The following NTM variants were observed in gnomAD, a reference collection of about 807,000 sequenced individuals.
NTM encodes the protein IgLON family member 2.
NTM carries 13 observed loss-of-function variants against 42.1 expected under a neutral mutation model. The ratio of observed to expected loss-of-function variants is 0.31; its 90% CI spans 0.20 to 0.49. NTM has a LOEUF of 0.49. Ranked by LOEUF, NTM falls within the 20% of genes least tolerant of loss-of-function variation. The pLI is 0.99. For missense variants in NTM, 373 were observed against 452.8 expected (o/e 0.82, Z 1.60); for synonymous variants, 187 against 179.2 (o/e 1.04, Z -0.35).
At chr11:131,981,230 G>A (rs1054690691) in intron 2 of NTM, 1 of 152,200 alleles carries the variant, frequency 6.6e-6, no homozygotes, top group Non-Finnish European at 1.5e-5. Context: ...ATTGCATGAG[G>A]CTACCAGATG....
chr11:132,219,970 C>T (rs2084803780), intron 4 of NTM, among the ~76,000 whole-genome samples: 1 of 152,226 alleles, frequency 6.6e-6, no homozygotes, highest in Non-Finnish European at 1.5e-5. Context: ...CCACTATCAT[C>T]TCCACCATTT....
intron 2 of NTM, among the ~76,000 whole-genome samples, chr11:132,075,918 T>A (rs2058303315): frequency 6.6e-6 from 1 of 152,300 alleles, no homozygotes; most frequent in African/African-American, 2.4e-5. Flanking sequence ...AGGTAACCTT[T>A]TTATTGGTGG....
chr11:132,308,743 C>T (rs919366465), intron 5 of NTM, among the ~76,000 whole-genome samples: 3 of 151,886 alleles, frequency 2.0e-5, no homozygotes, highest in Admixed American at 6.6e-5. Context: ...CAATATGAAG[C>T]GGTTTAAGAA....
chr11:131,442,136 C>T (rs1341361238), intron 1 of NTM, among the ~76,000 whole-genome samples: 2 of 152,198 alleles, frequency 1.3e-5, no homozygotes, highest in Non-Finnish European at 2.9e-5. Context: ...AGGACTGAGC[C>T]TTAACTGAGC....
chr11:132,087,335 C>A (rs1007490922), intron 2 of NTM, among the ~76,000 whole-genome samples: 5 of 152,162 alleles, frequency 3.3e-5, no homozygotes, highest in Non-Finnish European at 7.3e-5. Context: ...ACTAGCATGA[C>A]CTTTATCCAT....
chr11:132,271,474 T>A (rs1565352622), intron 4 of NTM, among the ~76,000 whole-genome samples: 1 of 152,218 alleles, frequency 6.6e-6, no homozygotes, highest in Non-Finnish European at 1.5e-5. Context: ...ACTGCCAGAC[T>A]ATTTTGCAAA....
At chr11:131,917,650 G>C (rs1592844690) in intron 2 of NTM, among the ~76,000 whole-genome samples, 1 of 152,186 alleles carries the variant, frequency 6.6e-6, no homozygotes, top group South Asian at 2.1e-4. Context: ...AGTGGTTGTG[G>C]TGGTATAACT....
chr11:132,226,155 A>C (rs766065566), intron 4 of NTM, among the ~76,000 whole-genome samples: 1 of 152,238 alleles, frequency 6.6e-6, no homozygotes, highest in African/African-American at 2.4e-5. Flanking sequence ...TATTGTGAAC[A>C]GTTCCGTAAT....
intron 4 of NTM, among the ~76,000 whole-genome samples, chr11:132,245,232 G>C (rs1404546636): frequency 6.6e-6 from 1 of 152,118 alleles, no homozygotes; most frequent in Non-Finnish European, 1.5e-5. Context: ...CCGCCTCCTG[G>C]AGCTTTGGTG....
chr11:131,782,679 A>C (rs546878616), intron 1 of NTM, among the ~76,000 whole-genome samples: 2 of 152,274 alleles, frequency 1.3e-5, no homozygotes, highest in African/African-American at 4.8e-5. Flanking sequence ...TAGGAATTCA[A>C]GGTTGGTTTA....
chr11:131,514,430 C>T (rs2048635175), intron 1 of NTM, among the ~76,000 whole-genome samples: 1 of 152,032 alleles, frequency 6.6e-6, no homozygotes. Flanking sequence ...AGTCACCTCT[C>T]AATAATTTTA....
intron 3 of NTM, among the ~76,000 whole-genome samples, chr11:132,206,245 C>G (rs753854883): frequency 2.0e-5 from 3 of 152,184 alleles, no homozygotes; most frequent in Non-Finnish European, 4.4e-5. Context: ...TAAAAAACTT[C>G]AAATGCTTGT....
intron 3 of NTM, among the ~76,000 whole-genome samples, chr11:132,203,410 T>C (rs1306518915): frequency 6.6e-6 from 1 of 152,148 alleles, no homozygotes; most frequent in Non-Finnish European, 1.5e-5. Context: ...TGATATATAA[T>C]GAATACAATC....
chr11:132,075,020 A>T lies in NTM; in HGVS notation c.168-71262A>T, dbSNP rs578087019. 3.9e-4 allele frequency among the ~76,000 whole-genome samples: 59 copies of T among 152,322 alleles called. No homozygotes were observed. In the South Asian group the frequency reaches 6.4e-3, roughly 17 times the overall value. On this transcript the variant is annotated intron_variant, in intron 2 of 8. Coordinates refer to ENST00000683400, the MANE Select transcript of NTM (RefSeq NM_001352005.2). The stretch of plus-strand genomic sequence containing the variant: ...AGAGTATATAAAGATGCATACAGGG[A>T]ATGCTGCAATATGTGACATCATGGA...
chr11:132,309,291 T>C (rs2095205159), intron 5 of NTM, among the ~76,000 whole-genome samples: 1 of 152,242 alleles, frequency 6.6e-6, no homozygotes, highest in Admixed American at 6.5e-5. Context: ...TAGGCCTAGC[T>C]TGGTCACTTG....
At chr11:131,638,200 T>C (rs1310321721) in intron 1 of NTM, among the ~76,000 whole-genome samples, 2 of 152,184 alleles carry the variant, frequency 1.3e-5, no homozygotes, top group East Asian at 3.9e-4. Flanking sequence ...TATTTTCATA[T>C]AAGAGAGGGC....
intron 2 of NTM, among the ~76,000 whole-genome samples, chr11:132,070,026 G>A (rs1277695000): frequency 5.6e-5 from 7 of 125,762 alleles, no homozygotes; most frequent in East Asian, 2.3e-4. Flanking sequence ...AAGTTAACAC[G>A]TCAAACTGAC....
intron 1 of NTM, among the ~76,000 whole-genome samples, chr11:131,868,183 C>T (rs139874683): frequency 1.3e-5 from 2 of 152,274 alleles, no homozygotes; most frequent in African/African-American, 4.8e-5. Context: ...TCCAAGGCAT[C>T]CTTTTGCTTT....
chr11:131,471,886 C>T (rs1217935485), intron 1 of NTM, among the ~76,000 whole-genome samples: 1 of 152,158 alleles, frequency 6.6e-6, no homozygotes, highest in South Asian at 2.1e-4. Flanking sequence ...TGGAAATGAG[C>T]TCTTCTTGCC....
Sources: allele counts gnomAD v4.1 joint callset (sites outside exome capture counted in the v4.1 genomes callset), GRCh38; gene constraint gnomAD v4.1.1; transcripts MANE v1.5; gene names NCBI Gene and HGNC (gene_info 2026-07-23, HGNC 2026-07-21).